The following ALPK1 variants were observed in gnomAD, a reference collection of about 807,000 sequenced individuals.
ALPK1 encodes alpha kinase 1, also known as alpha-protein kinase 1.
In ALPK1, 110 loss-of-function variants were observed where a neutral mutation model predicts 120.6. That is an observed-to-expected ratio of 0.91 (90% confidence interval 0.78 to 1.07). The LOEUF (loss-of-function observed/expected upper bound fraction) is 1.07. ALPK1 is among the 50% of genes least tolerant of loss of function. ALPK1 has a pLI of 0.00. For synonymous variants in ALPK1, 582 were observed against 560.3 expected (o/e 1.04, Z -0.55); for missense variants, 1,498 against 1,483.9 (o/e 1.01, Z -0.16).
intron 5 of ALPK1, among the ~76,000 whole-genome samples, chr4:112,414,013 G>A (rs1458008422): frequency 6.6e-6 from 1 of 152,028 alleles, no homozygotes; most frequent in Non-Finnish European, 1.5e-5. Context: ...AAAACATCTG[G>A]AGCCTCCACC....
intron 5 of ALPK1, among the ~76,000 whole-genome samples, chr4:112,418,005 G>C (rs6829461): frequency 1.3e-5 from 2 of 151,928 alleles, no homozygotes; most frequent in African/African-American, 4.8e-5. Context: ...TATTTCAGGG[G>C]ATTAGAGTAA....
At position 112,406,402 on chromosome 4, in the gene ALPK1, G is replaced by A. The variant is rs139774609; in HGVS notation, c.277-5425G>A. ...TAATGCTGTATGATTCCACTAATAC[G>A]AGGTATCTAAAGTGGTCAACTTCAT... On this transcript the variant is annotated intron_variant, in intron 4 of 15. Coordinates refer to ENST00000650871, the MANE Select transcript of ALPK1 (RefSeq NM_025144.4). Among the ~76,000 whole-genome samples, 363 of 152,236 alleles carry A rather than the reference G, an allele frequency of 2.4e-3. 5 individuals carry two copies. Among genetic ancestry groups the A allele is most frequent in the African/African-American group, 8.4e-3 (348 of 41,540 alleles).
intron 4 of ALPK1, among the ~76,000 whole-genome samples, chr4:112,398,614 T>C (rs1377891221): frequency 6.6e-6 from 1 of 152,172 alleles, no homozygotes; most frequent in Admixed American, 6.5e-5. Context: ...AAATTTTATT[T>C]TAAATGTGAT....
At chr4:112,346,248 C>A (rs1730096194) in intron 2 of ALPK1, among the ~76,000 whole-genome samples, 1 of 152,176 alleles carries the variant, frequency 6.6e-6, no homozygotes, top group Non-Finnish European at 1.5e-5. Flanking sequence ...TTTATTATAT[C>A]ATATATTATC....
chr4:112,322,744 G>A (rs1375697024), intron 2 of ALPK1, among the ~76,000 whole-genome samples: 1 of 152,126 alleles, frequency 6.6e-6, no homozygotes, highest in Non-Finnish European at 1.5e-5. Flanking sequence ...TCAAAAAGGG[G>A]AAATTAAGTG....
At position 112,432,113 on chromosome 4, in the gene ALPK1, C is replaced by A; in HGVS notation, c.2566C>A (p.Gln856Lys). Residue 856 changes from glutamine (Q) to lysine (K), a missense_variant, in exon 11 of 16, where the codon CAA becomes AAA. Gln to Lys is a moderately conservative substitution (Grantham distance 53). Transcript: ENST00000650871. ...PDASTVDEEG[Q>K]LLDSMDVPCT... Reference sequence around the variant, plus strand: ...TGCCTCCACAGTGGATGAGGAGGGGCAACTGCTCGACAGCATGGATGTTCC... The same window carrying A: ...TGCCTCCACAGTGGATGAGGAGGGGAAACTGCTCGACAGCATGGATGTTCC... 1.9e-6 allele frequency: 3 copies of A among 1,614,208 alleles called. No individual in the cohort carries two copies. Among genetic ancestry groups the A allele is most frequent in the Non-Finnish European group, 1.7e-6 (2 of 1,180,024 alleles).
chr4:112,324,748 A>G (rs1303657097), intron 2 of ALPK1, among the ~76,000 whole-genome samples: 1 of 152,130 alleles, frequency 6.6e-6, no homozygotes, highest in Non-Finnish European at 1.5e-5. Flanking sequence ...AAATGTTGGA[A>G]TTACAGGTGT....
At chr4:112,358,140 C>G in intron 2 of ALPK1, 1 of 613,736 alleles carries the variant, frequency 1.6e-6, no homozygotes, top group Non-Finnish European at 3.1e-6. Context: ...CAGTTCCTCT[C>G]TGGGCAGGCG....
Position 112,429,270 on chromosome 4 carries a change from G to A in ALPK1, c.900+17G>A, listed in dbSNP as rs748503256. The A allele has an allele frequency of 1.9e-5, 31 of 1,594,986 alleles. No individual in the cohort carries two copies. The highest frequency in any genetic ancestry group is 1.9e-4 in the South Asian group (17 of 89,920). On this transcript the variant is annotated intron_variant, in intron 10 of 15. Transcript: ENST00000650871. ...ACAGCTGTGGTAAACGAATGCAGCC[G>A]CTCCTCAAACCCCCACAGGACCTCT...
At chr4:112,422,873 C>T (rs1734063042) in intron 5 of ALPK1, among the ~76,000 whole-genome samples, 1 of 152,228 alleles carries the variant, frequency 6.6e-6, no homozygotes, top group Non-Finnish European at 1.5e-5. Flanking sequence ...TTCCTCAGAG[C>T]ATTGGGCTAA....
intron 5 of ALPK1, among the ~76,000 whole-genome samples, chr4:112,416,517 A>G (rs1454097581): frequency 1.3e-5 from 2 of 152,214 alleles, no homozygotes; most frequent in Admixed American, 6.5e-5. Context: ...TAGCGGGACT[A>G]ACTAGACTCA....
chr4:112,438,739 A>G (rs963017340), intron 13 of ALPK1, 93 bp downstream of exon 13: 6 of 1,408,056 alleles, frequency 4.3e-6, no homozygotes, highest in Non-Finnish European at 5.9e-6. Context: ...TCAGGCTAGC[A>G]TTTTTAGCAA....
chr4:112,434,777 T>C (rs983819627), intron 11 of ALPK1, among the ~76,000 whole-genome samples: 3 of 152,184 alleles, frequency 2.0e-5, no homozygotes, highest in Non-Finnish European at 1.5e-5. Flanking sequence ...CAGGTAATAA[T>C]AGTAAGTTGC....
At chr4:112,314,769 C>T (rs916517020) in intron 1 of ALPK1, among the ~76,000 whole-genome samples, 10 of 151,940 alleles carry the variant, frequency 6.6e-5, no homozygotes, top group Non-Finnish European at 1.2e-4. Flanking sequence ...GAACAGGAGA[C>T]CTCGACCTAG....
intron 11 of ALPK1, among the ~76,000 whole-genome samples, chr4:112,434,253 C>T (rs997631606): frequency 1.3e-5 from 2 of 152,170 alleles, no homozygotes; most frequent in African/African-American, 4.8e-5. Flanking sequence ...AATTTATCAC[C>T]CGTCCTGTGT....
intron 5 of ALPK1, among the ~76,000 whole-genome samples, chr4:112,416,544 T>C (rs538638908): frequency 2.0e-5 from 3 of 152,302 alleles, no homozygotes; most frequent in South Asian, 4.1e-4. Context: ...GAGAAAATTA[T>C]GTCTTTACAC....
chr4:112,369,228 A>T (rs971243593), intron 2 of ALPK1, among the ~76,000 whole-genome samples: 2 of 152,174 alleles, frequency 1.3e-5, no homozygotes, highest in African/African-American at 4.8e-5. Flanking sequence ...ATGCAGTTTT[A>T]AAATGCTGAC....
intron 3 of ALPK1, 92 bp downstream of exon 3, chr4:112,377,990 T>G: frequency 7.3e-7 from 1 of 1,365,528 alleles, no homozygotes; most frequent in South Asian, 1.9e-5. Flanking sequence ...CTGCCCTATT[T>G]TTCTTCTCTT....
intron 5 of ALPK1, among the ~76,000 whole-genome samples, chr4:112,412,609 G>T (rs6825759): frequency 2.6e-5 from 4 of 151,928 alleles, no homozygotes; most frequent in African/African-American, 9.7e-5. Context: ...AGAGGGCTGG[G>T]GGGAGGGGGG....
Sources: gnomAD v4.1 joint callset for allele counts (sites outside exome capture counted in the v4.1 genomes callset) on GRCh38, gnomAD v4.1.1 for gene constraint, MANE v1.5 for transcripts, NCBI Gene and HGNC (gene_info 2026-07-23, HGNC 2026-07-21) for gene names.